The following LAMA5 variants were observed in gnomAD, a reference collection of about 807,000 sequenced individuals.
LAMA5 encodes the protein laminin subunit alpha-5.
LAMA5 carries 260 observed loss-of-function variants against 433.4 expected under a neutral mutation model. The ratio of observed to expected loss-of-function variants is 0.60; its 90% confidence interval spans 0.54 to 0.66. LAMA5 has a LOEUF of 0.66. Ranked by LOEUF, LAMA5 falls within the 30% of genes least tolerant of loss-of-function variation. The pLI is 0.00. For synonymous variants in LAMA5, 2,620 were observed against 2,226.6 expected (o/e 1.18, Z -4.97); for missense variants, 5,378 against 5,258.5 (o/e 1.02, Z -0.70).
Position 62,353,269 on chromosome 20 carries a change from G to A in LAMA5, c.451-18C>T, listed in dbSNP as rs375116514. The stretch of plus-strand genomic sequence containing the variant: ...TGGAAGACCTGTGGGCCGAGAGGGC[G>A]TCAGGGGAGCCAGGGGCGCCTGGAT... On this transcript the variant is annotated intron_variant, in intron 2 of 79. Transcript: ENST00000252999. The A allele has an allele frequency of 5.2e-4, 815 of 1,558,036 alleles. 7 individuals are homozygous for A. In the South Asian group the frequency reaches 6.4e-3, roughly 12 times the overall value.
chr20:62,324,638 G>T lies in LAMA5; in HGVS notation c.5530-84C>A. On this transcript the variant is annotated intron_variant, in intron 41 of 79. Transcript: ENST00000252999. This position sits in a 1 kb window ranked among gnomAD's most constrained non-coding sequence, Gnocchi z 4.4. ...GCAAGCTCACAAGTCAGACCCTCAG[G>T]GATCCTGCAGGCACGAGGCACTGGG... The T allele has an allele frequency of 1.2e-6, 1 of 839,814 alleles. No homozygotes were observed. Among genetic ancestry groups the T allele is most frequent in the Non-Finnish European group, 2.0e-6 (1 of 502,442 alleles). The allele number at this position is 839,814 out of a possible 1,614,324, so 52.0% of individuals were successfully genotyped here. A position where few individuals can be genotyped will look rare whatever the true frequency, so the allele number is the denominator to read the frequency against.
intron 66 of LAMA5, 52 bp from the exon 67 acceptor site, chr20:62,312,832 C>T (rs576671399): frequency 4.9e-5 from 78 of 1,601,516 alleles, no homozygotes; most frequent in Non-Finnish European, 5.8e-5. Context: ...CGGCCTGCCC[C>T]GCCCCCATCG....
In LAMA5 at chr20:62,366,363, G is replaced by A. The variant is rs556908611; in HGVS notation, c.297+586C>T. Among the ~76,000 whole-genome samples the A allele has an allele frequency of 3.4e-4, 52 of 152,280 alleles. 1 individual carries two copies. The South Asian group carries it at 3.7e-3, about 11-fold the overall frequency. ...ATCTCCCAGGGAGACTGAAGCCCCC[G>A]GACCCTACCACCTGCTGGGCAGAGA... On this transcript the variant is annotated intron_variant, in intron 1 of 79. Coordinates refer to ENST00000252999, the MANE Select transcript of LAMA5 (RefSeq NM_005560.6).
intron 18 of LAMA5, 122 bp downstream of exon 18, chr20:62,336,218 G>A (rs1981600242): frequency 3.0e-6 from 2 of 671,666 alleles, no homozygotes; most frequent in Non-Finnish European, 5.1e-6. Flanking sequence ...ACTCCCTCCA[G>A]GGCACACTCA....
chr20:62,326,921 T>C lies in LAMA5; in HGVS notation c.5158A>G (p.Thr1720Ala). The stretch of plus-strand genomic sequence containing the variant: ...GGGACAAAGACATCTCCCCGCTGGG[T>C]CTCTGAGTGCAGTTCATAACGGAGG... ...GTLRYELHSE[T>A]QRGDVFVPME... The change falls in exon 39 of 80, where the codon ACC becomes GCC. Residue 1720 changes from threonine to alanine, a missense_variant. Transcript: ENST00000252999. 1 of 1,612,236 alleles carries C rather than the reference T, an allele frequency of 6.2e-7. No individual in the cohort carries two copies. The highest frequency in any genetic ancestry group is 8.5e-7 in the Non-Finnish European group (1 of 1,179,442).
chr20:62,360,655 G>T lies in LAMA5; in HGVS notation c.450+1745C>A, dbSNP rs200796082. ...ATAGATGGGTGGGTGGGTGGGTGGA[G>T]GGATAGATGGGTGGGTGGGTGGAGG... On this transcript the variant is annotated intron_variant, in intron 2 of 79. Transcript: ENST00000252999. Among the ~76,000 whole-genome samples, 70 of 68,154 alleles carry T rather than the reference G, an allele frequency of 1.0e-3. 4 individuals carry two copies. In the South Asian group the frequency reaches 0.035, roughly 35 times the overall value. 44.7% of individuals were successfully genotyped at this position (68,154 alleles called of 152,430 possible).
At chr20:62,349,894 G>A (rs1568971682) in intron 6 of LAMA5, among the ~76,000 whole-genome samples, 1 of 149,672 alleles carries the variant, frequency 6.7e-6, no homozygotes, top group Non-Finnish European at 1.5e-5. Flanking sequence ...GTAAGGTGAT[G>A]GTGGAGGTAA....
Position 62,313,263 on chromosome 20 carries a change from G to C in LAMA5, c.8793-13C>G, listed in dbSNP as rs1428790612. On this transcript the variant is annotated splice_polypyrimidine_tract_variant and intron_variant, in intron 64 of 79. Transcript: ENST00000252999. ...GGTCGACTTGGAGCTGCAGGTCGGAGATTCTGGGGTCAGCGGAGGGTGGGG... is the reference window on the plus strand; with the variant it reads ...GGTCGACTTGGAGCTGCAGGTCGGACATTCTGGGGTCAGCGGAGGGTGGGG... 1.6e-5 allele frequency: 15 copies of C among 924,268 alleles called. No homozygotes were observed. In the Middle Eastern group the frequency reaches 8.2e-4, roughly 51 times the overall value. The allele number at this position is 924,268 out of a possible 1,614,324, so 57.3% of individuals were successfully genotyped here.
rs374274063 is a variant in LAMA5, at chr20:62,352,541, C to G, written c.569-181G>C. ...CCTGGCCCGTTGGACTGCACTGCCC[C>G]CCACCGCTCTCCCTTGCACGCTTTG... On this transcript the variant is annotated intron_variant, in intron 3 of 79. Transcript: ENST00000252999. Among the ~76,000 whole-genome samples, 76 of 152,258 alleles carry G rather than the reference C, an allele frequency of 5.0e-4. No individual in the cohort carries two copies. In the East Asian group the frequency reaches 9.9e-3, roughly 20 times the overall value.
At chr20:62,316,809 C>T (rs1433529028) in intron 56 of LAMA5, 36 bp from the exon 57 acceptor site, 1 of 1,567,694 alleles carries the variant, frequency 6.4e-7, no homozygotes, top group South Asian at 1.1e-5. Flanking sequence ...CTCAGACACG[C>T]AGGCCGGGGC....
In LAMA5 at chr20:62,313,662, G is replaced by C; in HGVS notation, c.8645C>G (p.Pro2882Arg). The change falls in exon 63 of 80, where the codon CCC becomes CGC. Residue 2882 changes from proline to arginine, a missense_variant. Physicochemically the swap from Pro to Arg is moderately radical, Grantham distance 103. Coordinates refer to ENST00000252999, the MANE Select transcript of LAMA5 (RefSeq NM_005560.6). Reference protein sequence around the residue: ...DDFVFYVGGYPSTFTPPPLLR... With the variant: ...DDFVFYVGGYRSTFTPPPLLR... ...GGGCGGGCTCACCGTGAAGGTACTG[G>C]GGTACCCCCCGACGTAGAAGACGAA... 6.2e-7 allele frequency: 1 copy of C among 1,612,758 alleles called. No individual in the cohort carries two copies. The highest frequency in any genetic ancestry group is 8.5e-7 in the Non-Finnish European group (1 of 1,179,948).
rs773019944 is a variant in LAMA5 at position 62,337,739 on chromosome 20, G to C, written c.2027-12C>G. On this transcript the variant is annotated splice_polypyrimidine_tract_variant and intron_variant, in intron 15 of 79. Transcript: ENST00000252999. ...AGAGCAGTGGCAGGCTGCAGACAAG[G>C]ATAGCTGTGGGCACGCAGTGGAGAC... 1 of 1,608,122 alleles carries C rather than the reference G, an allele frequency of 6.2e-7. No homozygotes were observed.
intron 41 of LAMA5, 177 bp downstream of exon 41, chr20:62,325,139 G>GA (rs1312885532): frequency 6.6e-5 from 38 of 573,716 alleles, no homozygotes; most frequent in Admixed American, 1.3e-4. Context: ...CAGACAGGCA[G>GA]CAGGGGACAG....
Position 62,341,211 on chromosome 20 carries a change from C to T in LAMA5, c.1478-2603G>A, listed in dbSNP as rs1193613377. Reference sequence around the variant, plus strand: ...GCAGCAAAACCAGAACTGCACACCACGAAAAGGACAGGAGGGAAACCTCAG... The same window carrying T: ...GCAGCAAAACCAGAACTGCACACCATGAAAAGGACAGGAGGGAAACCTCAG... On this transcript the variant is annotated intron_variant, in intron 11 of 79. Transcript: ENST00000252999. Among the ~76,000 whole-genome samples the T allele has an allele frequency of 2.6e-5, 4 of 151,996 alleles. 1 individual carries two copies. Among genetic ancestry groups the T allele is most frequent in the South Asian group, 4.1e-4 (2 of 4,826 alleles).
At position 62,325,425 on chromosome 20, in the gene LAMA5, A is replaced by G. The variant is rs2427284; in HGVS notation, c.5420T>C (p.Phe1807Ser). The G allele has an allele frequency of 0.93, 1,504,085 of 1,612,550 alleles. 702,779 individuals are homozygous for G. The highest frequency in any genetic ancestry group is 0.98 in the East Asian group (44,159 of 44,862). The change falls in exon 41 of 80, where the codon TTC becomes TCC. Residue 1807 changes from phenylalanine (F) to serine (S), a missense_variant. Phe to Ser is a radical substitution (Grantham distance 155). Coordinates refer to ENST00000252999, the MANE Select transcript of LAMA5 (RefSeq NM_005560.6). ...CACCTCCAGTGCCACCCTGCGCAGG[A>G]AGACAGCCGAGGAGATCTGTGAGAA... ...ALFSQISSAV[F>S]LRRVALEVAS...
intron 32 of LAMA5, 139 bp from the exon 33 acceptor site, chr20:62,329,392 T>A (rs1979930940): frequency 3.1e-6 from 2 of 638,418 alleles, no homozygotes; most frequent in Non-Finnish European, 5.4e-6. Flanking sequence ...AGCCCAGCCC[T>A]GGGCCCTGGC....
intron 6 of LAMA5, among the ~76,000 whole-genome samples, chr20:62,350,482 G>A (rs1984124735): frequency 6.6e-6 from 1 of 152,206 alleles, no homozygotes; most frequent in South Asian, 2.1e-4. Context: ...GTGAGAATGG[G>A]AGTGAACCTT....
In LAMA5 at chr20:62,318,899, CG is replaced by C; in HGVS notation, c.6985del (p.Arg2329GlyfsTer28). 6.2e-7 allele frequency: 1 copy of C among 1,606,144 alleles called. No homozygotes were observed. The highest frequency in any genetic ancestry group is 1.1e-5 in the South Asian group (1 of 90,510). On this transcript the variant is annotated frameshift_variant, in exon 52 of 80. Coordinates refer to ENST00000252999, the MANE Select transcript of LAMA5 (RefSeq NM_005560.6). LOFTEE classifies it high-confidence loss of function. ...VERLLWEMRA[R>X]DLGAPQAAAE... ...TGCTGCCTGCGGGGCCCCCAGGTCC[CG>C]GGCCCGCATCTCCCAGAGCAGCCGC... is the stretch of plus-strand genomic sequence containing the variant.
chr20:62,309,275 G>C lies in LAMA5; in HGVS notation c.*61C>G. The C allele has an allele frequency of 6.5e-7, 1 of 1,542,258 alleles. No individual in the cohort carries two copies. The highest frequency in any genetic ancestry group is 8.8e-7 in the Non-Finnish European group (1 of 1,141,612). On this transcript the variant is annotated 3_prime_UTR_variant, in exon 80 of 80. Transcript: ENST00000252999. ...GTCCAAATAGACACCTATGAGGCGA[G>C]CACAAGGGGCGGTGTGAGGCAGCTG...
Sources: allele counts gnomAD v4.1 joint callset (sites outside exome capture counted in the v4.1 genomes callset), GRCh38; gene constraint gnomAD v4.1.1; non-coding constraint Gnocchi (gnomAD v3.1); transcripts MANE v1.5; gene names NCBI Gene and HGNC (gene_info 2026-07-23, HGNC 2026-07-21).